Variants in ARHGAP8 observed in about 807,000 individuals in gnomAD.
ARHGAP8 encodes the protein rho GTPase-activating protein 8.
In ARHGAP8, 62 loss-of-function variants were observed where a neutral mutation model predicts 46.1. The ratio of observed to expected loss-of-function variants is 1.34; its 90% CI spans 1.10 to 1.66. The LOEUF (loss-of-function observed/expected upper bound fraction) is 1.66, where lower values mean the gene tolerates loss of function less well. Ranked by LOEUF, ARHGAP8 falls within the 40% of genes most tolerant of loss-of-function variation. ARHGAP8 has a pLI of 0.00. For synonymous variants in ARHGAP8, 375 were observed against 243.1 expected (o/e 1.54, Z -5.05); for missense variants, 923 against 568.4 (o/e 1.62, Z -6.34).
chr22:44,854,187 A>G (rs2070165572), intron 10 of ARHGAP8, among the ~76,000 whole-genome samples: 1 of 151,570 alleles, frequency 6.6e-6, no homozygotes, highest in Non-Finnish European at 1.5e-5. Context: ...GTAACGTCAT[A>G]CATAACACTG....
intron 7 of ARHGAP8, among the ~76,000 whole-genome samples, chr22:44,836,877 T>C (rs5766080): frequency 0.063 from 9,565 of 151,942 alleles, 770 homozygotes; most frequent in East Asian, 0.42. Context: ...CTTTCTTGTT[T>C]TGTTTTGTTT....
Position 44,859,679 on chromosome 22 carries a change from G to C in ARHGAP8, c.878-52G>C, listed in dbSNP as rs538223054. The C allele has an allele frequency of 2.7e-4, 428 of 1,595,766 alleles. 3 individuals are homozygous for C. The highest frequency in any genetic ancestry group is 1.8e-3 in the South Asian group (162 of 90,280). ...TGTTCTCCTCCCGGGCCGGGATGCAGCGCTGCCCCTGGCCCCTCTGGAGCT... is the reference window on the plus strand; with the variant it reads ...TGTTCTCCTCCCGGGCCGGGATGCACCGCTGCCCCTGGCCCCTCTGGAGCT... On this transcript the variant is annotated intron_variant, in intron 10 of 11. Transcript: ENST00000356099.
intron 10 of ARHGAP8, chr22:44,850,259 C>T (rs1403176268): frequency 6.6e-6 from 1 of 152,206 alleles, no homozygotes; most frequent in African/African-American, 2.4e-5. Flanking sequence ...CCTGGAAGAC[C>T]ATGAAAGATG....
chr22:44,791,832 A>T lies in ARHGAP8; in HGVS notation c.79+5226A>T, dbSNP rs555133942. ...CCAGCAGTCATCAGGAACAACAAGG[A>T]TGGAGGTGCCTGGAGAAGAGCTTAG... On this transcript the variant is annotated intron_variant, in intron 2 of 11. Coordinates refer to ENST00000356099, the MANE Select transcript of ARHGAP8 (RefSeq NM_181335.3). Among the ~76,000 whole-genome samples the T allele has an allele frequency of 2.0e-5, 3 of 152,308 alleles. No individual in the cohort carries two copies. In the East Asian group the frequency reaches 5.8e-4, roughly 29 times the overall value.
chr22:44,859,210 A>G (rs1354116907), intron 10 of ARHGAP8, among the ~76,000 whole-genome samples: 3 of 152,050 alleles, frequency 2.0e-5, no homozygotes, highest in Non-Finnish European at 2.9e-5. Context: ...CTGAGTCCCC[A>G]GCGCGTCTCA....
chr22:44,840,667 C>A (rs1931590378), intron 7 of ARHGAP8, among the ~76,000 whole-genome samples: 2 of 150,534 alleles, frequency 1.3e-5, no homozygotes, highest in Admixed American at 1.3e-4. Context: ...GTGACGTGGA[C>A]CGCCTCTGTG....
At position 44,859,556 on chromosome 22, in the gene ARHGAP8, C is replaced by A. The variant is rs4504112; in HGVS notation, c.878-175C>A. On this transcript the variant is annotated intron_variant, in intron 10 of 11. Coordinates refer to ENST00000356099, the MANE Select transcript of ARHGAP8 (RefSeq NM_181335.3). ...ATCTCAGCAAGAATAGCCAAACACA[C>A]AGGTTTGCTGAGCAGAGCCATACGG... The A allele has an allele frequency of 4.7e-6, 3 of 637,024 alleles. No individual in the cohort carries two copies. The African/African-American group carries it at 5.5e-5, about 12-fold the overall frequency. 39.5% of individuals were successfully genotyped at this position (637,024 alleles called of 1,614,324 possible). A position where few individuals can be genotyped will look rare whatever the true frequency, so the allele number is the denominator to read the frequency against.
At chr22:44,848,614 G>T (rs2070018875) in intron 9 of ARHGAP8, among the ~76,000 whole-genome samples, 1 of 152,230 alleles carries the variant, frequency 6.6e-6, no homozygotes, top group Non-Finnish European at 1.5e-5. Flanking sequence ...CCCAGGGCCT[G>T]CGGTGTCATC....
intron 10 of ARHGAP8, among the ~76,000 whole-genome samples, chr22:44,854,018 C>A (rs183394858): frequency 2.1e-3 from 186 of 87,870 alleles, no homozygotes; most frequent in African/African-American, 8.0e-3. Context: ...CAGCGAGACT[C>A]TGTCTCAAAA....
chr22:44,835,407 C>G (rs12159282), intron 7 of ARHGAP8, among the ~76,000 whole-genome samples: 4,658 of 152,010 alleles, frequency 0.031, 237 homozygotes, highest in African/African-American at 0.11. Flanking sequence ...ATCACGAGAT[C>G]GAGACACTGA....
intron 5 of ARHGAP8, among the ~76,000 whole-genome samples, chr22:44,817,501 C>T (rs1349764122): frequency 6.6e-6 from 1 of 152,144 alleles, no homozygotes; most frequent in Non-Finnish European, 1.5e-5. Flanking sequence ...CTGTCATTTA[C>T]CTTAGAAAAG....
chr22:44,811,339 C>T (rs937013264), intron 4 of ARHGAP8, among the ~76,000 whole-genome samples: 6 of 152,356 alleles, frequency 3.9e-5, no homozygotes, highest in Non-Finnish European at 7.3e-5. Context: ...AGGCCGGCCT[C>T]GTGGCAACCT....
At chr22:44,837,363 C>T (rs989213190) in intron 7 of ARHGAP8, among the ~76,000 whole-genome samples, 1 of 152,196 alleles carries the variant, frequency 6.6e-6, no homozygotes, top group Admixed American at 6.5e-5. Context: ...GTCGGAAAGC[C>T]AGGTGGGAGT....
At chr22:44,861,915 C>T (rs940891712) in intron 11 of ARHGAP8, among the ~76,000 whole-genome samples, 3 of 152,084 alleles carry the variant, frequency 2.0e-5, no homozygotes, top group Non-Finnish European at 4.4e-5. Flanking sequence ...GTTCGCCACT[C>T]ACAGAGCCGA....
intron 1 of ARHGAP8, among the ~76,000 whole-genome samples, chr22:44,776,593 T>A (rs1381276052): frequency 3.3e-5 from 5 of 152,150 alleles, no homozygotes; most frequent in Admixed American, 3.3e-4. Flanking sequence ...GCTGTCTTCT[T>A]AATAGGCTCC....
At chr22:44,834,527 A>G (rs904480779) in intron 7 of ARHGAP8, among the ~76,000 whole-genome samples, 1 of 152,170 alleles carries the variant, frequency 6.6e-6, no homozygotes, top group Non-Finnish European at 1.5e-5. Flanking sequence ...GGTATAACAT[A>G]TGGTCTAGCC....
At chr22:44,807,129 C>T (rs1370582325) in intron 3 of ARHGAP8, among the ~76,000 whole-genome samples, 1 of 152,156 alleles carries the variant, frequency 6.6e-6, no homozygotes, top group African/African-American at 2.4e-5. Context: ...CCACCCACAG[C>T]CTCAGAGAGT....
chr22:44,859,517 TTATA>T lies in ARHGAP8; in HGVS notation c.878-213_878-210del, dbSNP rs1174229616. ...CCATGAGCCAGTTAAACCTCTTTTC[TTATA>T]AATAACCCCATCTCAGCAAGAATAG... On this transcript the variant is annotated intron_variant, in intron 10 of 11. Transcript: ENST00000356099. 6.8e-6 allele frequency: 4 copies of T among 588,780 alleles called. No individual in the cohort carries two copies. In the Admixed American group the frequency reaches 1.2e-4, roughly 18 times the overall value. The allele number at this position is 588,780 out of a possible 1,614,324, so 36.5% of individuals were successfully genotyped here.
At chr22:44,786,195 C>T (rs5765008) in intron 1 of ARHGAP8, 8 of 573,830 alleles carry the variant, frequency 1.4e-5, no homozygotes, top group South Asian at 1.0e-4. Context: ...TGAGGTAGGG[C>T]GTATAGTGGG....
Sources: gnomAD v4.1 joint callset for allele counts (sites outside exome capture counted in the v4.1 genomes callset) on GRCh38, gnomAD v4.1.1 for gene constraint, MANE v1.5 for transcripts, NCBI Gene and HGNC (gene_info 2026-07-23, HGNC 2026-07-21) for gene names.